Variants in UNC79 observed in about 807,000 individuals in gnomAD.
UNC79 encodes the protein protein unc-79 homolog.
UNC79 carries 37 observed loss-of-function variants against 283.1 expected under a neutral mutation model. The observed-to-expected ratio is 0.13, with a 90% confidence interval of 0.10 to 0.17. UNC79 has a LOEUF of 0.17. Among genes scored for constraint, UNC79 ranks in the 10% least tolerant of loss-of-function variants. UNC79 has a pLI of 1.00. For missense variants in UNC79, 2,272 were observed against 3,211.1 expected (o/e 0.71, Z 7.07); for synonymous variants, 1,107 against 1,200.2 (o/e 0.92, Z 1.61).
intron 41 of UNC79, 146 bp downstream of exon 44, chr14:93,673,601 T>A: frequency 3.5e-6 from 2 of 568,376 alleles, no homozygotes; most frequent in African/African-American, 1.9e-5. Context: ...ATGATCTAAC[T>A]AATAGTATGC....
intron 1 of UNC79, among the ~76,000 whole-genome samples, chr14:93,381,659 G>A (rs1176771360): frequency 6.6e-6 from 1 of 152,224 alleles, no homozygotes; most frequent in Non-Finnish European, 1.5e-5. Flanking sequence ...TCAGTGGGAA[G>A]AAGAGGAGGT....
intron 14 of UNC79, among the ~76,000 whole-genome samples, chr14:93,560,470 G>T (rs963092832): frequency 3.9e-5 from 6 of 152,232 alleles, no homozygotes; most frequent in Non-Finnish European, 8.8e-5. Flanking sequence ...TGTGATGCTA[G>T]CAGAGAAGTC....
intron 14 of UNC79, among the ~76,000 whole-genome samples, chr14:93,567,027 A>G (rs1438510713): frequency 1.3e-5 from 2 of 152,196 alleles, no homozygotes; most frequent in East Asian, 1.9e-4. Flanking sequence ...GGCCTAAAAC[A>G]TACTTTAAGT....
intron 1 of UNC79, among the ~76,000 whole-genome samples, chr14:93,439,494 T>C (rs1408651604): frequency 6.6e-6 from 1 of 152,112 alleles, no homozygotes; most frequent in Non-Finnish European, 1.5e-5. Context: ...AATTTCATCA[T>C]ATTTTAAGAA....
chr14:93,679,845 G>A (rs1417071495), intron 41 of UNC79, among the ~76,000 whole-genome samples: 3 of 152,104 alleles, frequency 2.0e-5, no homozygotes, highest in African/African-American at 7.2e-5. Context: ...CTCTTCCTTC[G>A]ACAGCGATCA....
chr14:93,414,446 G>A (rs1162614619), intron 1 of UNC79, among the ~76,000 whole-genome samples: 8 of 152,166 alleles, frequency 5.3e-5, no homozygotes, highest in Non-Finnish European at 1.0e-4. Context: ...AGTATAGTTT[G>A]AAGTCAGGTA....
intron 1 of UNC79, among the ~76,000 whole-genome samples, chr14:93,376,838 A>G (rs1050550529): frequency 2.0e-5 from 3 of 149,830 alleles, no homozygotes; most frequent in African/African-American, 7.3e-5. Context: ...AGGTCAATCA[A>G]TGGCTTTTTG....
intron 4 of UNC79, among the ~76,000 whole-genome samples, chr14:93,479,172 T>TTTCCTTCC (rs140666949): frequency 0.15 from 17,623 of 120,398 alleles, 1,607 homozygotes; most frequent in African/African-American, 0.17. Flanking sequence ...GATGAGGCTG[T>TTTCCTTCC]TTCCTTCCTT....
chr14:93,508,930 C>T lies in UNC79; in HGVS notation c.898+11644C>T, dbSNP rs555087786. ...ATAGAATTGATAAGAATGGATATTG[C>T]GTTAGTCTGTTTTCACACCACTAAA... On this transcript the variant is annotated intron_variant, in intron 7 of 48. Coordinates refer to ENST00000555664, the Ensembl canonical transcript of UNC79. 3.0e-4 allele frequency among the ~76,000 whole-genome samples: 45 copies of T among 152,178 alleles called. No individual in the cohort carries two copies. In the South Asian group the frequency reaches 7.3e-3, roughly 25 times the overall value.
At chr14:93,641,186 A>T in exon 33 of UNC79, 1 of 1,613,838 alleles carries the variant, frequency 6.2e-7, no homozygotes. Flanking sequence ...AAGCATAGTC[A>T]GTATGTTTGT....
At chr14:93,378,543 A>C (rs1432020915) in intron 1 of UNC79, among the ~76,000 whole-genome samples, 1 of 152,076 alleles carries the variant, frequency 6.6e-6, no homozygotes, top group Non-Finnish European at 1.5e-5. Flanking sequence ...TGGAGATAGG[A>C]TCTAAGTCTA....
At chr14:93,543,479 A>G (rs1427551628) in intron 14 of UNC79, among the ~76,000 whole-genome samples, 1 of 151,900 alleles carries the variant, frequency 6.6e-6, no homozygotes, top group Non-Finnish European at 1.5e-5. Flanking sequence ...CCTGGGCTCA[A>G]GAGATCCTCC....
rs1265989178 is a variant in UNC79 at position 93,474,249 on chromosome 14, G to A, written c.304G>A (p.Val102Ile). 2 of 1,535,856 alleles carry A rather than the reference G, an allele frequency of 1.3e-6. No individual in the cohort carries two copies. Among genetic ancestry groups the A allele is most frequent in the African/African-American group, 1.4e-5 (1 of 72,992 alleles). ...TGTTACTCGCTCCCTCCTTTACAGC[G>A]TCCTGCGAGATGCTCCCTCAGAACG... is the stretch of plus-strand genomic sequence containing the variant. Residue 102 changes from valine to isoleucine, a missense_variant, in exon 3 of 49, where the codon GTC becomes ATC. By Grantham distance (29) the Val-to-Ile change is conservative. Transcript: ENST00000555664. The surrounding 1 kb of genome is among the most constrained non-coding windows in gnomAD (Gnocchi z 4.1).
intron 7 of UNC79, among the ~76,000 whole-genome samples, chr14:93,502,420 A>AT (rs1207037646): frequency 2.6e-5 from 4 of 152,178 alleles, no homozygotes; most frequent in Admixed American, 6.5e-5. Flanking sequence ...CTCAAAAAAA[A>AT]ATGCAAAAAA....
chr14:93,461,967 A>G (rs2056976071), intron 1 of UNC79, among the ~76,000 whole-genome samples: 1 of 70,016 alleles, frequency 1.4e-5, no homozygotes, highest in African/African-American at 4.5e-5. Context: ...TCAAGCAAAA[A>G]AAAAAAAAGA....
Position 93,360,649 on chromosome 14 carries a change from C to T in UNC79, c.-351+27126C>T, listed in dbSNP as rs574829458. Among the ~76,000 whole-genome samples, 20 of 152,330 alleles carry T rather than the reference C, an allele frequency of 1.3e-4. No homozygotes were observed. In the South Asian group the frequency reaches 3.7e-3, roughly 28 times the overall value. The stretch of plus-strand genomic sequence containing the variant: ...TCCAGCTTTGTGTCATAATCTTATT[C>T]GGAGAGAACTTGATTTCTTTTTGCT... On this transcript the variant is annotated intron_variant, in intron 1 of 49. Coordinates refer to the UNC79 transcript ENST00000256339.
chr14:93,405,088 G>A (rs1021834943), intron 1 of UNC79, among the ~76,000 whole-genome samples: 16 of 151,944 alleles, frequency 1.1e-4, no homozygotes, highest in African/African-American at 2.2e-4. Context: ...TTCGAGACCC[G>A]CCTGGCCAAC....
chr14:93,494,710 T>A (rs1009706010), intron 5 of UNC79, among the ~76,000 whole-genome samples: 3 of 152,100 alleles, frequency 2.0e-5, no homozygotes, highest in African/African-American at 7.2e-5. Context: ...GATTAGGCCT[T>A]CAGAAACTTC....
chr14:93,516,457 G>A (rs183925430), intron 7 of UNC79, among the ~76,000 whole-genome samples: 1 of 117,466 alleles, frequency 8.5e-6, no homozygotes, highest in African/African-American at 3.1e-5. Context: ...TTTTGGGGGG[G>A]GGGGTGGGGG....
Sources: gnomAD v4.1 joint callset for allele counts (sites outside exome capture counted in the v4.1 genomes callset) on GRCh38, gnomAD v4.1.1 for gene constraint, Gnocchi (gnomAD v3.1) non-coding constraint, MANE v1.5 for transcripts, NCBI Gene and HGNC (gene_info 2026-07-23, HGNC 2026-07-21) for gene names.